Variants in SHC4 observed in about 807,000 individuals in gnomAD.
SHC4 encodes SHC-transforming protein 4.
Under a neutral mutation model 69.4 loss-of-function variants are expected in SHC4, and 41 were observed. That is an observed-to-expected ratio of 0.59 (90% CI 0.46 to 0.77). The LOEUF (loss-of-function observed/expected upper bound fraction) is 0.77. Ranked by LOEUF, SHC4 falls within the 30% of genes least tolerant of loss-of-function variation. The pLI is 0.00. For synonymous variants in SHC4, 318 were observed against 299.3 expected, an observed-to-expected ratio of 1.06 and a Z score of -0.64; for missense variants, 777 against 783.8, an observed-to-expected ratio of 0.99 and a Z score of 0.10.
intron 10 of SHC4, among the ~76,000 whole-genome samples, chr15:48,835,789 G>A (rs549321686): frequency 3.3e-5 from 5 of 152,218 alleles, no homozygotes; most frequent in South Asian, 2.1e-4. Flanking sequence ...TAGTTACTGC[G>A]TAGTTCTCAT....
chr15:48,920,598 A>T (rs1900734149), intron 2 of SHC4, among the ~76,000 whole-genome samples: 1 of 152,200 alleles, frequency 6.6e-6, no homozygotes, highest in Non-Finnish European at 1.5e-5. Context: ...AGTAGATAAA[A>T]ATAGATAAAT....
At chr15:48,894,342 T>C (rs1275869340) in intron 2 of SHC4, among the ~76,000 whole-genome samples, 2 of 152,202 alleles carry the variant, frequency 1.3e-5, no homozygotes, top group Admixed American at 1.3e-4. Context: ...CAATGTTATG[T>C]TTTACTTTCA....
chr15:48,935,699 G>C (rs914067709), intron 1 of SHC4, among the ~76,000 whole-genome samples: 1 of 152,058 alleles, frequency 6.6e-6, no homozygotes, highest in Non-Finnish European at 1.5e-5. Context: ...ATGAAAACCT[G>C]GGCAGGGTTT....
chr15:48,919,842 T>A (rs948948997), intron 2 of SHC4, among the ~76,000 whole-genome samples: 1 of 152,080 alleles, frequency 6.6e-6, no homozygotes, highest in Non-Finnish European at 1.5e-5. Context: ...GCCTGAATCA[T>A]GTATAGACAC....
intron 6 of SHC4, among the ~76,000 whole-genome samples, chr15:48,858,323 C>T (rs900077867): frequency 6.6e-6 from 1 of 152,176 alleles, no homozygotes; most frequent in Non-Finnish European, 1.5e-5. Context: ...CGCCCCGCTG[C>T]CACCCCTTTT....
At chr15:48,859,086 C>T (rs1197576545) in intron 6 of SHC4, among the ~76,000 whole-genome samples, 1 of 152,108 alleles carries the variant, frequency 6.6e-6, no homozygotes, top group Non-Finnish European at 1.5e-5. Context: ...TGATTTTATG[C>T]TTTGCATTGT....
chr15:48,936,264 C>T (rs1405705316), intron 1 of SHC4, among the ~76,000 whole-genome samples: 1 of 152,200 alleles, frequency 6.6e-6, no homozygotes, highest in Non-Finnish European at 1.5e-5. Flanking sequence ...GGAGACTCAA[C>T]AACCAGGAAA....
At chr15:48,888,972 A>T (rs1308846552) in intron 3 of SHC4, among the ~76,000 whole-genome samples, 1 of 152,170 alleles carries the variant, frequency 6.6e-6, no homozygotes, top group Non-Finnish European at 1.5e-5. Flanking sequence ...AAAAGAAAAA[A>T]GCCTAAAGTG....
chr15:48,894,474 T>C (rs904489257), intron 2 of SHC4, among the ~76,000 whole-genome samples: 7 of 152,174 alleles, frequency 4.6e-5, no homozygotes, highest in African/African-American at 1.7e-4. Context: ...ACATCAAAGA[T>C]GTCCCAATGG....
chr15:48,909,038 T>C (rs1900460769), intron 2 of SHC4, among the ~76,000 whole-genome samples: 1 of 152,198 alleles, frequency 6.6e-6, no homozygotes, highest in Admixed American at 6.5e-5. Context: ...CTGGCTCTTT[T>C]TTCATTGCAT....
chr15:48,910,556 A>G (rs527376805), intron 2 of SHC4, among the ~76,000 whole-genome samples: 6 of 151,550 alleles, frequency 4.0e-5, no homozygotes, highest in African/African-American at 1.5e-4. Context: ...CTTTGTCTCA[A>G]TTTCATTTAG....
In SHC4 at chr15:48,924,923, T is replaced by G. The variant is rs778017671; in HGVS notation, c.612A>C (p.Gln204His). The change falls in exon 2 of 12, where the codon CAA becomes CAC. Residue 204 changes from glutamine (Q) to histidine (H), a missense_variant. By Grantham distance (24) the Gln-to-His change is conservative. Transcript: ENST00000332408. ...TTCCAAAATCCAGTGATCTCATTGATTGCAGCACTTCAACACAGCCCATGT... is the reference window on the plus strand; with the variant it reads ...TTCCAAAATCCAGTGATCTCATTGAGTGCAGCACTTCAACACAGCCCATGT... ...VRYMGCVEVLQSMRSLDFGMR... is the reference protein window; with the variant it reads ...VRYMGCVEVLHSMRSLDFGMR... 1.2e-5 allele frequency: 19 copies of G among 1,614,126 alleles called. No homozygotes were observed. The South Asian group carries it at 2.1e-4, about 18-fold the overall frequency.
chr15:48,860,775 T>C (rs953121832), intron 6 of SHC4, among the ~76,000 whole-genome samples: 3 of 152,194 alleles, frequency 2.0e-5, no homozygotes, highest in South Asian at 2.1e-4. Flanking sequence ...GAGTTCAAGT[T>C]CCAATTATGC....
Position 48,869,808 on chromosome 15 carries a change from G to A in SHC4, c.895-1939C>T, listed in dbSNP as rs574240590. On this transcript the variant is annotated intron_variant, in intron 5 of 11. Coordinates refer to ENST00000332408, the MANE Select transcript of SHC4 (RefSeq NM_203349.4). ...TAACCAACCAAGCCATGGCACCGCCGCCAGATTTCTACTTTAAATTAGAAT... is the reference window on the plus strand; with the variant it reads ...TAACCAACCAAGCCATGGCACCGCCACCAGATTTCTACTTTAAATTAGAAT... Among the ~76,000 whole-genome samples, 19 of 152,192 alleles carry A rather than the reference G, an allele frequency of 1.2e-4. 1 individual carries two copies. In the South Asian group the frequency reaches 1.9e-3, roughly 15 times the overall value.
intron 10 of SHC4, among the ~76,000 whole-genome samples, chr15:48,842,608 AG>A (rs1209502379): frequency 6.6e-6 from 1 of 152,236 alleles, no homozygotes; most frequent in African/African-American, 2.4e-5. Flanking sequence ...AATATGAGAT[AG>A]TACAATTAGT....
intron 2 of SHC4, among the ~76,000 whole-genome samples, chr15:48,920,020 T>G (rs1178003832): frequency 6.6e-6 from 1 of 151,558 alleles, no homozygotes; most frequent in Non-Finnish European, 1.5e-5. Flanking sequence ...AGTTTGTTTT[T>G]TTTTTTTTTT....
chr15:48,959,785 T>C (rs1901511369), intron 1 of SHC4, among the ~76,000 whole-genome samples: 1 of 152,232 alleles, frequency 6.6e-6, no homozygotes, highest in South Asian at 2.1e-4. Flanking sequence ...TTTTTCAAAA[T>C]TGGTTCACAT....
chr15:48,837,472 T>C (rs1898919939), intron 10 of SHC4, among the ~76,000 whole-genome samples: 1 of 152,210 alleles, frequency 6.6e-6, no homozygotes, highest in African/African-American at 2.4e-5. Flanking sequence ...CTTAACACTG[T>C]GGTACATTAT....
chr15:48,921,315 G>GA (rs1357755390), intron 2 of SHC4, among the ~76,000 whole-genome samples: 1 of 149,818 alleles, frequency 6.7e-6, no homozygotes, highest in African/African-American at 2.5e-5. Flanking sequence ...GGAGGAAGAG[G>GA]AAATGGGAAG....
Sources: gnomAD v4.1 joint callset for allele counts (sites outside exome capture counted in the v4.1 genomes callset) on GRCh38, gnomAD v4.1.1 for gene constraint, MANE v1.5 for transcripts, NCBI Gene and HGNC (gene_info 2026-07-23, HGNC 2026-07-21) for gene names.